IL1RAPL2: variants seen among roughly 807,000 people sequenced by gnomAD.
The protein encoded by IL1RAPL2 is X-linked interleukin-1 receptor accessory protein-like 2.
In IL1RAPL2, 3 loss-of-function variants were observed where a neutral mutation model predicts 44.1. The observed-to-expected ratio is 0.07, with a 90% CI of 0.03 to 0.18. The LOEUF (loss-of-function observed/expected upper bound fraction) is 0.18, where lower values mean the gene tolerates loss of function less well. Ranked by LOEUF, IL1RAPL2 falls within the 10% of genes least tolerant of loss-of-function variation. The pLI, the probability that IL1RAPL2 is intolerant of heterozygous loss-of-function variation, is 1.00. For missense variants in IL1RAPL2, 391 were observed against 496.4 expected, an observed-to-expected ratio of 0.79 and a Z score of 2.02; for synonymous variants, 181 against 178.8, an observed-to-expected ratio of 1.01 and a Z score of -0.10.
chrX:105,552,613 C>T (rs758748560), intron 6 of IL1RAPL2, among the ~76,000 whole-genome samples: 8 of 112,038 alleles, frequency 7.1e-5, no homozygotes, highest in African/African-American at 1.3e-4. Flanking sequence ...CCTGTCCTCT[C>T]TGTCTTCCTC....
intron 1 of IL1RAPL2, among the ~76,000 whole-genome samples, chrX:104,624,775 G>C (rs1929467086): frequency 9.0e-6 from 1 of 111,248 alleles, no homozygotes; most frequent in South Asian, 3.8e-4. Context: ...TCCATCATTA[G>C]GGATGATCTA....
rs2038742655 is a variant in IL1RAPL2, at chrX:105,767,531, T to C, written c.1931T>C (p.Leu644Pro). 8.3e-7 allele frequency: 1 copy of C among 1,208,684 alleles called. No homozygotes were observed. Among genetic ancestry groups the C allele is most frequent in the Non-Finnish European group, 1.1e-6 (1 of 894,224 alleles). The change falls in exon 11 of 11, where the codon CTG becomes CCG. Residue 644 changes from leucine (L) to proline (P), a missense_variant. By Grantham distance (98) the Leu-to-Pro change is moderately conservative. Coordinates refer to ENST00000372582, the MANE Select transcript of IL1RAPL2 (RefSeq NM_017416.2). ...SLGNHHTYCN[L>P]PLTLLNGQLP... Reference sequence around the variant, plus strand: ...GGCAACCACCATACTTATTGTAACCTGCCTCTGACGCTACTCAACGGACAG... The same window carrying C: ...GGCAACCACCATACTTATTGTAACCCGCCTCTGACGCTACTCAACGGACAG...
chrX:105,002,480 C>T (rs1408332833), intron 2 of IL1RAPL2, among the ~76,000 whole-genome samples: 2 of 111,030 alleles, frequency 1.8e-5, no homozygotes, highest in Non-Finnish European at 3.8e-5. Flanking sequence ...GAAATTTCTC[C>T]TTGATTTGGG....
chrX:105,074,718 G>A (rs1047207836), intron 2 of IL1RAPL2, among the ~76,000 whole-genome samples: 21 of 107,149 alleles, frequency 2.0e-4, no homozygotes, highest in African/African-American at 7.1e-4. Context: ...TTATTTCCTT[G>A]AGCAGTGGTT....
chrX:104,751,980 C>T (rs1452900106), intron 2 of IL1RAPL2, among the ~76,000 whole-genome samples: 3 of 111,136 alleles, frequency 2.7e-5, no homozygotes, highest in Non-Finnish European at 5.7e-5. Context: ...ACAGCAATCA[C>T]CCCCATCTCT....
chrX:105,706,243 C>T (rs997504881), intron 6 of IL1RAPL2, among the ~76,000 whole-genome samples: 37 of 111,408 alleles, frequency 3.3e-4, no homozygotes, highest in African/African-American at 1.0e-3. Context: ...TAGAAATCTC[C>T]GCTGTTAAGC....
At chrX:104,640,023 A>G (rs972496841) in intron 1 of IL1RAPL2, among the ~76,000 whole-genome samples, 4 of 111,411 alleles carry the variant, frequency 3.6e-5, no homozygotes, top group African/African-American at 9.8e-5. Flanking sequence ...GAATGTCTAA[A>G]TCCCTTCCTA....
At chrX:105,018,079 A>C (rs1217594251) in intron 2 of IL1RAPL2, among the ~76,000 whole-genome samples, 1 of 111,628 alleles carries the variant, frequency 9.0e-6, no homozygotes, top group Non-Finnish European at 1.9e-5. Flanking sequence ...AAGGCTTGGC[A>C]TTTTCAGAAG....
chrX:105,388,430 ATTG>A (rs1408219654), intron 5 of IL1RAPL2, among the ~76,000 whole-genome samples: 3 of 99,860 alleles, frequency 3.0e-5, no homozygotes, highest in South Asian at 4.7e-4. Context: ...GACAAAATGA[ATTG>A]TTGTGAGCAC....
intron 5 of IL1RAPL2, among the ~76,000 whole-genome samples, chrX:105,364,210 A>G (rs2035275898): frequency 9.0e-6 from 1 of 111,711 alleles, no homozygotes; most frequent in African/African-American, 3.2e-5. Context: ...TGGCACCTAT[A>G]TCAAAAATTA....
chrX:105,276,538 C>T (rs923277348), intron 5 of IL1RAPL2, among the ~76,000 whole-genome samples: 3 of 112,777 alleles, frequency 2.7e-5, no homozygotes, highest in Middle Eastern at 4.6e-3. Flanking sequence ...GCTGTACTGA[C>T]TCAACCCTAG....
intron 2 of IL1RAPL2, among the ~76,000 whole-genome samples, chrX:105,072,560 T>A (rs1373960496): frequency 9.0e-6 from 1 of 111,206 alleles, no homozygotes; most frequent in Admixed American, 9.6e-5. Context: ...ATGTGGACAA[T>A]GAAATCCAGG....
chrX:105,537,381 C>T (rs1380801658), intron 6 of IL1RAPL2, among the ~76,000 whole-genome samples: 1 of 111,474 alleles, frequency 9.0e-6, no homozygotes, highest in East Asian at 2.8e-4. Context: ...AGCTGACTGG[C>T]TTCTGTTTCA....
chrX:105,406,752 G>C (rs908172685), intron 5 of IL1RAPL2: 33 of 1,197,737 alleles, frequency 2.8e-5, no homozygotes, highest in African/African-American at 5.3e-5. Context: ...CCCTGAAACT[G>C]TGTAATTTTG....
At chrX:104,576,392 TATATG>T (rs764820734) in intron 1 of IL1RAPL2, among the ~76,000 whole-genome samples, 15 of 112,142 alleles carry the variant, frequency 1.3e-4, no homozygotes, top group African/African-American at 4.8e-4. Context: ...AATCACAAAA[TATATG>T]ATATTAAAAA....
intron 2 of IL1RAPL2, among the ~76,000 whole-genome samples, chrX:104,739,944 A>G (rs1250111085): frequency 1.8e-5 from 2 of 111,522 alleles, no homozygotes; most frequent in African/African-American, 6.5e-5. Context: ...TACTGTCATG[A>G]CTAATGGTGA....
At chrX:105,622,283 AT>A (rs2147831591) in intron 6 of IL1RAPL2, among the ~76,000 whole-genome samples, 1 of 105,158 alleles carries the variant, frequency 9.5e-6, no homozygotes, top group Admixed American at 1.0e-4. Context: ...AATAAAAATA[AT>A]AATAATAATA....
At chrX:104,978,486 A>G (rs1430552605) in intron 2 of IL1RAPL2, among the ~76,000 whole-genome samples, 1 of 112,240 alleles carries the variant, frequency 8.9e-6, no homozygotes, top group Non-Finnish European at 1.9e-5. Context: ...CCTCTGTTTA[A>G]TTATGAAACT....
intron 2 of IL1RAPL2, among the ~76,000 whole-genome samples, chrX:104,950,304 T>C (rs1401269110): frequency 8.9e-6 from 1 of 112,360 alleles, no homozygotes; most frequent in African/African-American, 3.2e-5. Flanking sequence ...GGGACCCACT[T>C]GAGGAGGCAG....
Sources: gnomAD v4.1 joint callset for allele counts (sites outside exome capture counted in the v4.1 genomes callset) on GRCh38, gnomAD v4.1.1 for gene constraint, MANE v1.5 for transcripts, NCBI Gene and HGNC (gene_info 2026-07-23, HGNC 2026-07-21) for gene names.